CST7: variants seen among roughly 807,000 people sequenced by gnomAD.
CST7 encodes the protein cystatin-F.
Under a neutral mutation model 13.1 loss-of-function variants are expected in CST7, and 15 were observed. The observed-to-expected ratio is 1.14, with a 90% CI of 0.77 to 1.76. The LOEUF (loss-of-function observed/expected upper bound fraction) is 1.76, where lower values mean the gene tolerates loss of function less well. Among genes scored for constraint, CST7 ranks in the 40% most tolerant of loss-of-function variants. CST7 has a pLI of 0.00. For missense variants in CST7, 193 were observed against 178.8 expected, an observed-to-expected ratio of 1.08 and a Z score of -0.45; for synonymous variants, 75 against 66.9, an observed-to-expected ratio of 1.12 and a Z score of -0.59.
At chr20:24,956,265 G>A (rs1254769907) in intron 1 of CST7, among the ~76,000 whole-genome samples, 3 of 152,192 alleles carry the variant, frequency 2.0e-5, no homozygotes, top group Non-Finnish European at 4.4e-5. Flanking sequence ...TCACACAGCA[G>A]TGGGAATGGC....
At position 24,959,637 on chromosome 20, in the gene CST7, T is replaced by C; in HGVS notation, c.363T>C (p.Thr121=). The C allele has an allele frequency of 6.2e-7, 1 of 1,614,140 alleles. No homozygotes were observed. Among genetic ancestry groups the C allele is most frequent in the Non-Finnish European group, 8.5e-7 (1 of 1,179,996 alleles). ...AGGTGTGCCCTTCTCTGTTTCAGAC[T>C]CTGAGCTGCTACTCTGAAGTCTGGG... The part of the protein sequence containing the change: ...DFQTNHTLKQ[T]LSCYSEVWVV... The change falls in exon 4 of 4, where the codon ACT becomes ACC. Residue 121 remains threonine, a splice_region_variant and synonymous_variant. Transcript: ENST00000480798.
chr20:24,956,054 G>A lies in CST7; in HGVS notation c.71-1233G>A, dbSNP rs183716053. On this transcript the variant is annotated intron_variant, in intron 1 of 3. Transcript: ENST00000480798. ...TGCCAGGTGGCCTCCCTTCACAATG[G>A]AGACTCTTTACCGGGATGGGGCGAC... 1.1e-4 allele frequency among the ~76,000 whole-genome samples: 16 copies of A among 152,326 alleles called. No homozygotes were observed. The East Asian group carries it at 3.1e-3, about 29-fold the overall frequency.
At chr20:24,953,615 CCT>C (rs1294031455) in intron 1 of CST7, among the ~76,000 whole-genome samples, 2 of 152,126 alleles carry the variant, frequency 1.3e-5, no homozygotes, top group African/African-American at 4.8e-5. Flanking sequence ...CCTGCCCGCC[CCT>C]GCCTCACCTC....
chr20:24,954,417 G>A (rs2087840803), intron 1 of CST7, among the ~76,000 whole-genome samples: 1 of 152,202 alleles, frequency 6.6e-6, no homozygotes, highest in African/African-American at 2.4e-5. Flanking sequence ...CTCCATCGGA[G>A]GCTCTCAAAG....
chr20:24,950,473 A>C (rs1194598353), intron 1 of CST7, among the ~76,000 whole-genome samples: 3 of 152,218 alleles, frequency 2.0e-5, no homozygotes, highest in Non-Finnish European at 2.9e-5. Flanking sequence ...CTGAGGACTC[A>C]GTGATGCTGG....
chr20:24,959,727 G>A lies in CST7; in HGVS notation c.*15G>A. 6.2e-7 allele frequency: 1 copy of A among 1,613,246 alleles called. No individual in the cohort carries two copies. The highest frequency in any genetic ancestry group is 1.1e-5 in the South Asian group (1 of 91,064). On this transcript the variant is annotated 3_prime_UTR_variant, in exon 4 of 4. Coordinates refer to ENST00000480798, the MANE Select transcript of CST7 (RefSeq NM_003650.4). ...GTTGTCACTGACCCCCGCCTCTTCA[G>A]CAAGACCACAGCCATGACAAACACC...
intron 1 of CST7, among the ~76,000 whole-genome samples, chr20:24,951,126 A>T (rs2087816220): frequency 6.6e-6 from 1 of 152,146 alleles, no homozygotes; most frequent in South Asian, 2.1e-4. Context: ...TGCTGCACCA[A>T]GCCTTTCCCT....
Position 24,959,827 on chromosome 20 carries a change from T to G in CST7, c.*115T>G. 3 of 1,060,810 alleles carry G rather than the reference T, an allele frequency of 2.8e-6. No individual in the cohort carries two copies. Among genetic ancestry groups the G allele is most frequent in the Non-Finnish European group, 2.9e-6 (2 of 690,126 alleles). 65.7% of individuals were successfully genotyped at this position (1,060,810 alleles called of 1,614,324 possible). ...CAGACCCTCTCAGGCCTCTGACGAG[T>G]GAGCGGGTGAAGTGCCACTGGGTCA... On this transcript the variant is annotated 3_prime_UTR_variant, in exon 4 of 4. Transcript: ENST00000480798.
intron 1 of CST7, among the ~76,000 whole-genome samples, chr20:24,952,602 C>CA (rs1405317224): frequency 2.0e-5 from 3 of 152,238 alleles, no homozygotes; most frequent in African/African-American, 7.2e-5. Flanking sequence ...TGCACCCCCC[C>CA]AACACCCCAG....
In CST7 at chr20:24,949,498, G is replaced by C. The variant is rs374458409; in HGVS notation, c.-8G>C. On this transcript the variant is annotated 5_prime_UTR_variant, in exon 1 of 4. Coordinates refer to ENST00000480798, the MANE Select transcript of CST7 (RefSeq NM_003650.4). ...CAACTGCCCCGCACTGTCCCTACCC[G>C]GGCAGCCATGCGAGCGGCTGGAACT... The C allele has an allele frequency of 2.7e-5, 44 of 1,613,962 alleles. No individual in the cohort carries two copies. The highest frequency in any genetic ancestry group is 3.6e-5 in the Non-Finnish European group (42 of 1,180,028).
rs953742647 is a variant in CST7, at chr20:24,949,816, G to C, written c.70+241G>C. Among the ~76,000 whole-genome samples, 3 of 152,338 alleles carry C rather than the reference G, an allele frequency of 2.0e-5. No individual in the cohort carries two copies. The East Asian group carries it at 5.8e-4, about 29-fold the overall frequency. ...CTGCCCCAGAAGGCTAGGGGCAAGG[G>C]AAGCATCTTCTATTCTCTGGCTCTT... On this transcript the variant is annotated intron_variant, in intron 1 of 3. Coordinates refer to ENST00000480798, the MANE Select transcript of CST7 (RefSeq NM_003650.4).
At chr20:24,951,979 T>C (rs113888826) in intron 1 of CST7, among the ~76,000 whole-genome samples, 4 of 152,282 alleles carry the variant, frequency 2.6e-5, no homozygotes, top group Admixed American at 6.5e-5. Context: ...TGCAAGGTGA[T>C]GTCAGTCCTT....
At chr20:24,957,113 G>A (rs1330873811) in intron 1 of CST7, among the ~76,000 whole-genome samples, 174 bp from the exon 2 acceptor site, 13 of 10,024 alleles carry the variant, frequency 1.3e-3, no homozygotes, top group African/African-American at 4.7e-3. Context: ...GGTGGGGGCA[G>A]GTAAGCAGGG....
At chr20:24,953,610 C>T (rs2087834058) in intron 1 of CST7, among the ~76,000 whole-genome samples, 1 of 152,122 alleles carries the variant, frequency 6.6e-6, no homozygotes, top group South Asian at 2.1e-4. Context: ...CAGGCCCTGC[C>T]CGCCCCTGCC....
chr20:24,949,581 T>C lies in CST7; in HGVS notation c.70+6T>C, dbSNP rs757171720. 2 of 1,613,980 alleles carry C rather than the reference T, an allele frequency of 1.2e-6. No homozygotes were observed. Among genetic ancestry groups the C allele is most frequent in the East Asian group, 2.2e-5 (1 of 44,872 alleles). On this transcript the variant is annotated splice_donor_region_variant and intron_variant, in intron 1 of 3. Transcript: ENST00000480798. Reference sequence around the variant, plus strand: ...CACTGGGGGCCCTTCCCCAGGTAAGTGGCGTTCTCCCCTGTCCGCTCCCCG... The same window carrying C: ...CACTGGGGGCCCTTCCCCAGGTAAGCGGCGTTCTCCCCTGTCCGCTCCCCG...
chr20:24,956,442 G>A (rs1235643668), intron 1 of CST7, among the ~76,000 whole-genome samples: 5 of 152,214 alleles, frequency 3.3e-5, no homozygotes. Flanking sequence ...CGCACGTCCT[G>A]CAGCCTCAGG....
chr20:24,956,277 T>A (rs2087853547), intron 1 of CST7, among the ~76,000 whole-genome samples: 1 of 152,096 alleles, frequency 6.6e-6, no homozygotes, highest in Non-Finnish European at 1.5e-5. Flanking sequence ...GGGAATGGCC[T>A]CCTCTGGGGC....
At chr20:24,959,596 GA>G (rs2087883064) in intron 3 of CST7, 38 bp from the exon 4 acceptor site, 1 of 1,601,592 alleles carries the variant, frequency 6.2e-7, no homozygotes, top group Non-Finnish European at 8.6e-7. Flanking sequence ...TCCCCGCAGG[GA>G]AAGTCTAAGC....
intron 2 of CST7, 145 bp downstream of exon 2, chr20:24,957,604 G>A: frequency 3.7e-6 from 3 of 810,158 alleles, no homozygotes; most frequent in African/African-American, 1.7e-5. Context: ...TGCACAAGGG[G>A]TGGGAGTGGA....
Sources: allele counts gnomAD v4.1 joint callset (sites outside exome capture counted in the v4.1 genomes callset), GRCh38; gene constraint gnomAD v4.1.1; transcripts MANE v1.5; gene names NCBI Gene and HGNC (gene_info 2026-07-23, HGNC 2026-07-21).